Variants in CHN2 observed in about 807,000 individuals in gnomAD.
The protein encoded by CHN2 is chimerin 2.
Under a neutral mutation model 56.3 loss-of-function variants are expected in CHN2, and 35 were observed. The ratio of observed to expected loss-of-function variants is 0.62; its 90% CI spans 0.47 to 0.82. The LOEUF (loss-of-function observed/expected upper bound fraction) is 0.82, where lower values mean the gene tolerates loss of function less well. Among genes scored for constraint, CHN2 ranks in the 40% least tolerant of loss-of-function variants. The probability of loss-of-function intolerance (pLI) is 0.00; values close to 1 mark genes in which losing one functional copy is unlikely to be tolerated. For missense variants in CHN2, 491 were observed against 580.5 expected, an observed-to-expected ratio of 0.85 and a Z score of 1.58; for synonymous variants, 210 against 212.8, an observed-to-expected ratio of 0.99 and a Z score of 0.12.
chr7:29,153,403 C>A (rs544139947), intron 2 of CHN2, among the ~76,000 whole-genome samples: 1 of 152,192 alleles, frequency 6.6e-6, no homozygotes, highest in African/African-American at 2.4e-5. Context: ...ACCTTCTCTC[C>A]CACCTCTCTA....
intron 8 of CHN2, 115 bp from the exon 9 acceptor site, chr7:29,499,752 C>T (rs1315918078): frequency 1.1e-6 from 1 of 912,164 alleles, no homozygotes; most frequent in African/African-American, 1.7e-5. Context: ...ATAGATGTTC[C>T]AGAGAAATAT....
At chr7:29,242,865 TCTTTTTATTTCATGACAA>T (rs1787799884) in intron 1 of CHN2, among the ~76,000 whole-genome samples, 3 of 151,386 alleles carry the variant, frequency 2.0e-5, no homozygotes, top group Admixed American at 1.3e-4. Context: ...TGAATGCTTG[TCTTTTTATTTCATGACAA>T]CTTTTTTTTT....
At chr7:29,323,650 G>T (rs1278577873) in intron 1 of CHN2, among the ~76,000 whole-genome samples, 3 of 152,072 alleles carry the variant, frequency 2.0e-5, no homozygotes, top group Non-Finnish European at 4.4e-5. Flanking sequence ...CAGTTTAGGG[G>T]GAAGGGTGGG....
chr7:29,193,918 G>T (rs1020511030), upstream of CHN2: 1 of 152,216 alleles, frequency 6.6e-6, no homozygotes, highest in African/African-American at 2.4e-5. Flanking sequence ...GGCACTGTCC[G>T]TGGCTGGGTT....
At chr7:29,247,583 T>TTATTTGTTC (rs1424309811) in intron 1 of CHN2, among the ~76,000 whole-genome samples, 3 of 152,162 alleles carry the variant, frequency 2.0e-5, no homozygotes, top group Non-Finnish European at 4.4e-5. Flanking sequence ...GGGCCAGAAT[T>TTATTTGTTC]TATTTGTTCT....
chr7:29,159,366 A>G (rs1229158522), intron 2 of CHN2, among the ~76,000 whole-genome samples: 1 of 152,198 alleles, frequency 6.6e-6, no homozygotes, highest in Non-Finnish European at 1.5e-5. Flanking sequence ...CAGAGCCTTC[A>G]TGGTCTTAAA....
At chr7:29,282,598 A>G (rs574795788) in intron 1 of CHN2, among the ~76,000 whole-genome samples, 3 of 152,364 alleles carry the variant, frequency 2.0e-5, no homozygotes, top group East Asian at 1.9e-4. Flanking sequence ...GCAAATTCCA[A>G]TGCTGAATTA....
chr7:29,421,779 G>T (rs145512956), intron 6 of CHN2, among the ~76,000 whole-genome samples: 100 of 152,312 alleles, frequency 6.6e-4, no homozygotes, highest in African/African-American at 2.1e-3. Flanking sequence ...GGTGCTGGCC[G>T]ATGGTTTGTA....
chr7:29,506,261 A>G (rs899351270), intron 10 of CHN2, among the ~76,000 whole-genome samples: 2 of 152,168 alleles, frequency 1.3e-5, no homozygotes, highest in Non-Finnish European at 2.9e-5. Flanking sequence ...GATCCTTTGT[A>G]CTGCCTACAA....
intron 6 of CHN2, among the ~76,000 whole-genome samples, chr7:29,449,481 A>G (rs996740194): frequency 6.6e-6 from 1 of 152,246 alleles, no homozygotes; most frequent in African/African-American, 2.4e-5. Context: ...ATTGAAATAT[A>G]AAATATGGGA....
intron 3 of CHN2, among the ~76,000 whole-genome samples, chr7:29,372,608 G>GA (rs1012365638): frequency 4.0e-5 from 6 of 151,542 alleles, no homozygotes; most frequent in Non-Finnish European, 8.8e-5. Context: ...TCAAAATGAT[G>GA]AAAAAAAAGG....
chr7:29,506,786 A>G (rs1040756062), intron 10 of CHN2, among the ~76,000 whole-genome samples: 1 of 152,368 alleles, frequency 6.6e-6, no homozygotes, highest in African/African-American at 2.4e-5. Flanking sequence ...GAAAGAAACA[A>G]TAAGAACTGA....
At chr7:29,329,057 C>T (rs1278611474) in intron 1 of CHN2, among the ~76,000 whole-genome samples, 2 of 152,096 alleles carry the variant, frequency 1.3e-5, no homozygotes, top group Non-Finnish European at 2.9e-5. Flanking sequence ...TTAGCAGTTT[C>T]ACAACTGTCT....
chr7:29,455,123 G>A (rs967760404), intron 6 of CHN2, among the ~76,000 whole-genome samples: 9 of 152,120 alleles, frequency 5.9e-5, no homozygotes, highest in East Asian at 1.9e-4. Context: ...TCCAGGCTAC[G>A]GATGTAATGT....
intron 1 of CHN2, among the ~76,000 whole-genome samples, chr7:29,321,570 CTTTTTT>C (rs59651474): frequency 7.8e-6 from 1 of 128,188 alleles, no homozygotes; most frequent in Non-Finnish European, 1.6e-5. Flanking sequence ...TTCTTTCTTT[CTTTTTT>C]TTTTTTTTTT....
intron 1 of CHN2, among the ~76,000 whole-genome samples, chr7:29,266,770 G>A (rs1790179018): frequency 1.3e-5 from 2 of 152,200 alleles, no homozygotes; most frequent in South Asian, 4.1e-4. Flanking sequence ...GTGGCAGATA[G>A]GTTCTGAGCA....
intron 11 of CHN2, 69 bp from the exon 12 acceptor site, chr7:29,509,232 T>G (rs1277001088): frequency 2.6e-5 from 31 of 1,193,346 alleles, no homozygotes; most frequent in African/African-American, 6.1e-5. Flanking sequence ...AACAAAAACT[T>G]CTTGTTACTT....
upstream of CHN2, chr7:29,194,562 C>T: frequency 5.0e-6 from 1 of 198,386 alleles, no homozygotes. Flanking sequence ...GCTGGCGGGG[C>T]GGCTCGGAGC....
chr7:29,319,715 C>A (rs1412372383), intron 1 of CHN2, among the ~76,000 whole-genome samples: 1 of 152,208 alleles, frequency 6.6e-6, no homozygotes, highest in East Asian at 1.9e-4. Flanking sequence ...TCCAGCATTT[C>A]TCTTCACTCC....
Sources: allele counts gnomAD v4.1 joint callset (sites outside exome capture counted in the v4.1 genomes callset), GRCh38; gene constraint gnomAD v4.1.1; transcripts MANE v1.5; gene names NCBI Gene and HGNC (gene_info 2026-07-23, HGNC 2026-07-21).